The following ZNF578 variants were observed in gnomAD, a reference collection of about 807,000 sequenced individuals.
ZNF578 encodes the protein zinc finger protein 578, also known as Putative chemokine-related protein B42.
ZNF578 carries 8 observed loss-of-function variants against 8.3 expected under a neutral mutation model. The ratio of observed to expected loss-of-function variants is 0.96; its 90% confidence interval spans 0.56 to 1.74. The LOEUF is 1.74. Among genes scored for constraint, ZNF578 ranks in the 40% most tolerant of loss-of-function variants. The pLI is 0.00. For synonymous variants in ZNF578, 206 were observed against 232.2 expected (o/e 0.89, Z 1.03); for missense variants, 726 against 707.5 (o/e 1.03, Z -0.30).
At chr19:52,503,693 T>A (rs138395922) in intron 4 of ZNF578, among the ~76,000 whole-genome samples, 3 of 152,172 alleles carry the variant, frequency 2.0e-5, no homozygotes, top group Non-Finnish European at 4.4e-5. Flanking sequence ...CATTTGACTT[T>A]GTCCTCTCTG....
rs1180663045 is a variant in ZNF578 at position 52,456,897 on chromosome 19, C to T, written c.-183C>T. ...AGCTTCTAAAGTCTCTTTCATCTCT[C>T]CTAAGGAAGAAGCCTAGAAGAGGAG... On this transcript the variant is annotated 5_prime_UTR_variant, in exon 2 of 6. Coordinates refer to ENST00000421239, the MANE Select transcript of ZNF578 (RefSeq NM_001099694.2). The T allele has an allele frequency of 6.5e-6, 1 of 153,104 alleles. No homozygotes were observed. The highest frequency in any genetic ancestry group is 1.9e-4 in the East Asian group (1 of 5,190). 9.5% of individuals were successfully genotyped at this position (153,104 alleles called of 1,614,324 possible).
intron 3 of ZNF578, among the ~76,000 whole-genome samples, chr19:52,501,589 C>G (rs1368383091): frequency 1.3e-5 from 2 of 152,008 alleles, no homozygotes; most frequent in Non-Finnish European, 2.9e-5. Context: ...CCCAGCTCCC[C>G]ACTGCTGCCT....
chr19:52,502,040 T>C lies in ZNF578; in HGVS notation c.63+132T>C, dbSNP rs1286279738. 73 of 1,396,968 alleles carry C rather than the reference T, an allele frequency of 5.2e-5. 1 individual carries two copies. In the East Asian group the frequency reaches 5.8e-4, roughly 11 times the overall value. 86.5% of individuals were successfully genotyped at this position (1,396,968 alleles called of 1,614,324 possible). A position where few individuals can be genotyped will look rare whatever the true frequency, so the allele number is the denominator to read the frequency against. On this transcript the variant is annotated intron_variant, in intron 4 of 5. Coordinates refer to ENST00000421239, the MANE Select transcript of ZNF578 (RefSeq NM_001099694.2). ...TCTGAAGCATTTTGCCTGACACGTT[T>C]GCTTGCACTCACCCATGCCTGCCCT...
At chr19:52,469,740 T>A (rs1208301915) in intron 2 of ZNF578, among the ~76,000 whole-genome samples, 1 of 152,182 alleles carries the variant, frequency 6.6e-6, no homozygotes, top group East Asian at 1.9e-4. Context: ...GTTGCTTTCC[T>A]AAGTTCCCTG....
intron 2 of ZNF578, among the ~76,000 whole-genome samples, chr19:52,466,364 T>G (rs2059275256): frequency 6.6e-6 from 1 of 152,212 alleles, no homozygotes; most frequent in Non-Finnish European, 1.5e-5. Context: ...GAGCAGGTCT[T>G]GCTCAGAGCA....
chr19:52,509,657 C>T (rs2059437495), intron 5 of ZNF578, among the ~76,000 whole-genome samples: 1 of 152,078 alleles, frequency 6.6e-6, no homozygotes, highest in South Asian at 2.1e-4. Context: ...ATCCCAGGTA[C>T]TTAAGAGGCT....
At chr19:52,505,028 T>G (rs1286890417) in intron 5 of ZNF578, among the ~76,000 whole-genome samples, 1 of 152,006 alleles carries the variant, frequency 6.6e-6, no homozygotes, top group African/African-American at 2.4e-5. Flanking sequence ...GCTGGGATTA[T>G]AGGCATGCGC....
At chr19:52,498,954 A>T (rs2059397071) in intron 3 of ZNF578, among the ~76,000 whole-genome samples, 1 of 152,044 alleles carries the variant, frequency 6.6e-6, no homozygotes, top group Non-Finnish European at 1.5e-5. Context: ...AAGTGTTGGG[A>T]TTTCAAGGGT....
chr19:52,476,586 C>G (rs1224597660), intron 2 of ZNF578, among the ~76,000 whole-genome samples: 5 of 152,196 alleles, frequency 3.3e-5, no homozygotes, highest in Non-Finnish European at 7.3e-5. Flanking sequence ...CATTTTAAAT[C>G]CTGGGTTATC....
intron 3 of ZNF578, among the ~76,000 whole-genome samples, chr19:52,498,758 T>A (rs562912709): frequency 7.0e-6 from 1 of 143,606 alleles, no homozygotes; most frequent in African/African-American, 2.6e-5. Context: ...CAATCTTGGA[T>A]CACTGCAACC....
chr19:52,476,294 C>CT (rs2059308168), intron 2 of ZNF578, among the ~76,000 whole-genome samples: 1 of 152,188 alleles, frequency 6.6e-6, no homozygotes, highest in South Asian at 2.1e-4. Flanking sequence ...TGAATTCCAG[C>CT]TGACATCACT....
chr19:52,511,733 G>A lies in ZNF578; in HGVS notation c.1352G>A (p.Gly451Glu). The change falls in exon 6 of 6, where the codon GGA becomes GAA. Residue 451 changes from glycine (G) to glutamate (E), a missense_variant. By Grantham distance (98) the Gly-to-Glu change is moderately conservative (BLOSUM62 -2). Transcript: ENST00000421239. The stretch of plus-strand genomic sequence containing the variant: ...GCACGTCATCATAGACTTCATACTG[G>A]AGAGAAATCTTACAAATGTGAAGAA... ...SLARHHRLHTGEKSYKCEECD... is the reference protein window; with the variant it reads ...SLARHHRLHTEEKSYKCEECD... The A allele has an allele frequency of 6.2e-7, 1 of 1,613,464 alleles. No individual in the cohort carries two copies. The highest frequency in any genetic ancestry group is 8.5e-7 in the Non-Finnish European group (1 of 1,179,898).
chr19:52,474,826 G>T (rs1231539966), intron 2 of ZNF578: 3 of 202,970 alleles, frequency 1.5e-5, no homozygotes, highest in Non-Finnish European at 3.2e-5. Context: ...TCTCCAGTAT[G>T]AATTCTTCGA....
intron 1 of ZNF578, chr19:52,456,519 G>C (rs947909842): frequency 1.3e-5 from 2 of 152,450 alleles, no homozygotes; most frequent in African/African-American, 4.8e-5. Context: ...AGAGAGGGGA[G>C]AGGCTGTGCT....
chr19:52,504,642 T>G lies in ZNF578; in HGVS notation c.64-13T>G. On this transcript the variant is annotated splice_polypyrimidine_tract_variant and intron_variant, in intron 4 of 5. Transcript: ENST00000421239. ...CTCCATAATGTTTTGTTGAAATGTG[T>G]GTTTCATTTTAGGGACGCTTGACTT... 6.2e-7 allele frequency: 1 copy of G among 1,613,760 alleles called. No homozygotes were observed. The highest frequency in any genetic ancestry group is 2.2e-5 in the East Asian group (1 of 44,864).
intron 2 of ZNF578, among the ~76,000 whole-genome samples, chr19:52,488,871 C>T (rs2059355275): frequency 6.6e-6 from 1 of 151,864 alleles, no homozygotes; most frequent in South Asian, 2.1e-4. Context: ...GGGAGCAAAT[C>T]ACTGAAGGTC....
intron 3 of ZNF578, among the ~76,000 whole-genome samples, chr19:52,494,707 A>G (rs867530249): frequency 3.3e-5 from 5 of 152,162 alleles, no homozygotes; most frequent in African/African-American, 9.7e-5. Flanking sequence ...TGGAATCCCT[A>G]TTCAGCCCGC....
intron 4 of ZNF578, 95 bp downstream of exon 4, chr19:52,502,003 G>A (rs1319407179): frequency 2.0e-6 from 3 of 1,504,564 alleles, no homozygotes; most frequent in African/African-American, 2.8e-5. Flanking sequence ...GTAACAGCCA[G>A]TCTTTTCTGA....
At chr19:52,509,468 A>G (rs913114840) in intron 5 of ZNF578, among the ~76,000 whole-genome samples, 26 of 152,298 alleles carry the variant, frequency 1.7e-4, no homozygotes, top group African/African-American at 5.3e-4. Flanking sequence ...GTGGTATGCA[A>G]TATAACTGAC....
Sources: gnomAD v4.1 joint callset for allele counts (sites outside exome capture counted in the v4.1 genomes callset) on GRCh38, gnomAD v4.1.1 for gene constraint, MANE v1.5 for transcripts, NCBI Gene and HGNC (gene_info 2026-07-23, HGNC 2026-07-21) for gene names.